Variants in AGBL4 observed in about 807,000 individuals in gnomAD.
AGBL4 encodes the protein AGBL carboxypeptidase 4, also known as cytosolic carboxypeptidase 6.
AGBL4 carries 58 observed loss-of-function variants against 66.4 expected under a neutral mutation model. The ratio of observed to expected loss-of-function variants is 0.87; its 90% CI spans 0.71 to 1.09. AGBL4 has a LOEUF of 1.09. Among genes scored for constraint, AGBL4 ranks in the 50% least tolerant of loss-of-function variants. AGBL4 has a pLI of 0.00. For missense variants in AGBL4, 579 were observed against 631.0 expected (o/e 0.92, Z 0.88); for synonymous variants, 234 against 222.9 (o/e 1.05, Z -0.44).
chr1:49,083,576 G>A (rs1295689227), intron 4 of AGBL4, among the ~76,000 whole-genome samples: 1 of 152,196 alleles, frequency 6.6e-6, no homozygotes, highest in Admixed American at 6.5e-5. Context: ...GGGGGGCCCT[G>A]GGCCCAGCCC....
At chr1:48,742,743 C>G in intron 6 of AGBL4, 1 of 1,605,192 alleles carries the variant, frequency 6.2e-7, no homozygotes. Flanking sequence ...GACATTCTGA[C>G]TTTACTTTTT....
chr1:49,786,446 TAAC>T (rs1016209422), intron 2 of AGBL4, among the ~76,000 whole-genome samples: 1 of 152,176 alleles, frequency 6.6e-6, no homozygotes, highest in African/African-American at 2.4e-5. Flanking sequence ...CTGAGCTTCT[TAAC>T]AAGCTTCCAT....
At chr1:49,346,093 G>A (rs1645628423) in intron 3 of AGBL4, among the ~76,000 whole-genome samples, 1 of 152,110 alleles carries the variant, frequency 6.6e-6, no homozygotes, top group African/African-American at 2.4e-5. Context: ...TTTATAATCA[G>A]TCCAAGTTTA....
chr1:49,810,172 C>T (rs1039940949), intron 2 of AGBL4, among the ~76,000 whole-genome samples: 3 of 152,058 alleles, frequency 2.0e-5, no homozygotes, highest in African/African-American at 7.2e-5. Flanking sequence ...AAGTACCAGA[C>T]ACAAAGTCAC....
intron 3 of AGBL4, among the ~76,000 whole-genome samples, chr1:49,358,686 C>T (rs1644071653): frequency 6.6e-6 from 1 of 152,148 alleles, no homozygotes; most frequent in African/African-American, 2.4e-5. Context: ...TAAGCAAGAA[C>T]TGGTGCAAAG....
chr1:49,415,018 C>T (rs1645397022), intron 3 of AGBL4, among the ~76,000 whole-genome samples: 1 of 152,054 alleles, frequency 6.6e-6, no homozygotes, highest in East Asian at 1.9e-4. Context: ...GAACCTGAGG[C>T]ATAGAGAGGA....
intron 2 of AGBL4, among the ~76,000 whole-genome samples, chr1:49,703,138 A>C (rs1647132247): frequency 6.6e-6 from 1 of 152,074 alleles, no homozygotes; most frequent in African/African-American, 2.4e-5. Context: ...GAAGAAATAA[A>C]ATTATTTCTA....
At chr1:49,939,002 A>T (rs1380973879) in intron 1 of AGBL4, among the ~76,000 whole-genome samples, 1 of 152,098 alleles carries the variant, frequency 6.6e-6, no homozygotes, top group African/African-American at 2.4e-5. Flanking sequence ...ACTTCAGCAA[A>T]GTCTCAGGAT....
intron 3 of AGBL4, among the ~76,000 whole-genome samples, chr1:49,531,991 A>AC (rs1420066137): frequency 1.3e-4 from 20 of 152,258 alleles, no homozygotes; most frequent in African/African-American, 4.6e-4. Context: ...TGACTTTAGT[A>AC]ACTCTCACTA....
chr1:49,739,205 C>G (rs1278972813), intron 2 of AGBL4, among the ~76,000 whole-genome samples: 1 of 152,088 alleles, frequency 6.6e-6, no homozygotes, highest in Admixed American at 6.6e-5. Context: ...CAGAGAAGTC[C>G]TTAAAGGACC....
At chr1:49,858,520 AG>A (rs2148077686) in intron 1 of AGBL4, among the ~76,000 whole-genome samples, 1 of 152,264 alleles carries the variant, frequency 6.6e-6, no homozygotes, top group Admixed American at 6.5e-5. Context: ...AGTCATGAAT[AG>A]ATTATAAGAA....
At chr1:49,778,592 T>C (rs576515994) in intron 2 of AGBL4, among the ~76,000 whole-genome samples, 1 of 152,208 alleles carries the variant, frequency 6.6e-6, no homozygotes, top group African/African-American at 2.4e-5. Context: ...AGGAAGTGTT[T>C]TATAAGAGTA....
chr1:48,596,437 A>G (rs1400974609), intron 9 of AGBL4, among the ~76,000 whole-genome samples: 3 of 152,192 alleles, frequency 2.0e-5, no homozygotes, highest in African/African-American at 7.2e-5. Context: ...TCTTTTCATT[A>G]TTAACTAAAA....
At chr1:49,102,618 C>T (rs1190966212) in intron 4 of AGBL4, among the ~76,000 whole-genome samples, 3 of 152,102 alleles carry the variant, frequency 2.0e-5, no homozygotes, top group Non-Finnish European at 2.9e-5. Context: ...TAGTTATTGA[C>T]ACATAATAGG....
chr1:48,924,145 GT>G (rs555543694), intron 5 of AGBL4, among the ~76,000 whole-genome samples: 1 of 151,846 alleles, frequency 6.6e-6, no homozygotes, highest in South Asian at 2.1e-4. Context: ...ATTATGGAAG[GT>G]TTTTTTGTCA....
intron 1 of AGBL4, among the ~76,000 whole-genome samples, chr1:49,873,827 G>C (rs1358485978): frequency 6.6e-6 from 1 of 151,762 alleles, no homozygotes; most frequent in African/African-American, 2.4e-5. Context: ...CATCTAAATT[G>C]ATTGAGAAAA....
chr1:49,969,193 T>C (rs1421274803), intron 1 of AGBL4, among the ~76,000 whole-genome samples: 1 of 152,200 alleles, frequency 6.6e-6, no homozygotes, highest in Non-Finnish European at 1.5e-5. Context: ...TAAACCACTT[T>C]ATTGAGGTAT....
At chr1:49,759,655 A>G (rs963478616) in intron 2 of AGBL4, among the ~76,000 whole-genome samples, 1 of 152,244 alleles carries the variant, frequency 6.6e-6, no homozygotes, top group African/African-American at 2.4e-5. Flanking sequence ...TTTATGTAGT[A>G]TCTTTGCAGT....
At chr1:49,934,724 T>C (rs1168084955) in intron 1 of AGBL4, among the ~76,000 whole-genome samples, 3 of 150,644 alleles carry the variant, frequency 2.0e-5, no homozygotes, top group African/African-American at 4.9e-5. Context: ...ATGAGTAACC[T>C]AACTGTACAC....
Sources: allele counts gnomAD v4.1 joint callset (sites outside exome capture counted in the v4.1 genomes callset), GRCh38; gene constraint gnomAD v4.1.1; transcripts MANE v1.5; gene names NCBI Gene and HGNC (gene_info 2026-07-23, HGNC 2026-07-21).